The following WDR20 variants were observed in gnomAD, a reference collection of about 807,000 sequenced individuals.
The protein encoded by WDR20 is WD repeat domain 20.
A neutral mutation model predicts 38.7 loss-of-function variants in WDR20; 3 were observed. The ratio of observed to expected loss-of-function variants is 0.08; its 90% CI spans 0.04 to 0.20. The LOEUF (loss-of-function observed/expected upper bound fraction) is 0.20. Ranked by LOEUF, WDR20 falls within the 10% of genes least tolerant of loss-of-function variation. WDR20 has a pLI of 1.00. For missense variants in WDR20, 559 were observed against 727.7 expected (o/e 0.77, Z 2.67); for synonymous variants, 298 against 285.6 (o/e 1.04, Z -0.44).
At position 102,209,998 on chromosome 14, in the gene WDR20, CA is replaced by C. The variant is rs2062237422; in HGVS notation, c.*119del. ...ATTCTTAATGTAAATCTCAATGCAT[CA>C]GAGCCATAATTTTGGATACTGCATG... On this transcript the variant is annotated 3_prime_UTR_variant, in exon 3 of 3. Coordinates refer to ENST00000342702, the MANE Select transcript of WDR20 (RefSeq NM_144574.4). The surrounding 1 kb of genome is among the most constrained non-coding windows in gnomAD (Gnocchi z 6.0). 3.4e-6 allele frequency: 5 copies of C among 1,463,118 alleles called. No homozygotes were observed. The East Asian group carries it at 7.1e-5, about 21-fold the overall frequency. 90.6% of individuals were successfully genotyped at this position (1,463,118 alleles called of 1,614,324 possible).
chr14:102,175,529 A>G (rs1025027746), intron 1 of WDR20, among the ~76,000 whole-genome samples: 1 of 151,994 alleles, frequency 6.6e-6, no homozygotes, highest in African/African-American at 2.4e-5. Context: ...TGCTTTGGCT[A>G]TGTGGGCTCT....
At chr14:102,194,904 G>T in intron 1 of WDR20, 34 bp from the exon 2 acceptor site, 1 of 1,603,460 alleles carries the variant, frequency 6.2e-7, no homozygotes, top group Non-Finnish European at 8.5e-7. Flanking sequence ...TCAATGTGCT[G>T]TTTACTGTAT....
intron 1 of WDR20, among the ~76,000 whole-genome samples, chr14:102,181,500 C>T (rs1382738490): frequency 6.6e-6 from 1 of 151,306 alleles, no homozygotes; most frequent in African/African-American, 2.4e-5. Flanking sequence ...TTTTAATGAC[C>T]ATTCACCTGA....
chr14:102,173,475 T>C (rs2061422528), intron 1 of WDR20, among the ~76,000 whole-genome samples: 2 of 129,534 alleles, frequency 1.5e-5, no homozygotes, highest in Admixed American at 7.4e-5. Flanking sequence ...TTATTATTAT[T>C]ATTATTTTTA....
intron 1 of WDR20, among the ~76,000 whole-genome samples, chr14:102,161,142 A>ATATATATATATATATATAT (rs1342924049): frequency 5.6e-4 from 9 of 16,056 alleles, no homozygotes; most frequent in African/African-American, 1.3e-3. Context: ...ATATATATAT[A>ATATATATATATATATATAT]TTTTTTTTTT....
intron 1 of WDR20, among the ~76,000 whole-genome samples, chr14:102,166,672 A>C (rs1426729929): frequency 6.6e-6 from 1 of 151,848 alleles, no homozygotes; most frequent in Admixed American, 6.6e-5. Context: ...CATTATCTCT[A>C]TTTGTTTTTG....
intron 1 of WDR20, among the ~76,000 whole-genome samples, chr14:102,141,273 T>C (rs1351083190): frequency 6.6e-6 from 1 of 152,236 alleles, no homozygotes; most frequent in Non-Finnish European, 1.5e-5. Context: ...ATTGTTCATA[T>C]TGAAGAGTGA....
chr14:102,156,654 C>G lies in WDR20; in HGVS notation c.249+16482C>G, dbSNP rs185510738. Among the ~76,000 whole-genome samples the G allele has an allele frequency of 8.6e-3, 1,303 of 151,830 alleles. 10 individuals carry two copies. Among genetic ancestry groups the G allele is most frequent in the South Asian group, 0.014 (67 of 4,818 alleles). ...CTCCCAGAGTCCTGGGATTATAGGT[C>G]TGAGCCACCATGCCTGGCCATAGAT... is the stretch of plus-strand genomic sequence containing the variant. On this transcript the variant is annotated intron_variant, in intron 1 of 2. Coordinates refer to ENST00000342702, the MANE Select transcript of WDR20 (RefSeq NM_144574.4).
downstream of WDR20, among the ~76,000 whole-genome samples, chr14:102,224,037 A>ATT (rs533802492): frequency 0.058 from 7,139 of 122,926 alleles, 279 homozygotes; most frequent in South Asian, 0.1. Context: ...TTTACCTGAG[A>ATT]TTTTTTTTTT....
chr14:102,162,510 T>G (rs1298832662), intron 1 of WDR20, among the ~76,000 whole-genome samples: 2 of 152,216 alleles, frequency 1.3e-5, no homozygotes, highest in Non-Finnish European at 2.9e-5. Flanking sequence ...GGAACTAATT[T>G]GTTGAAATTA....
intron 1 of WDR20, chr14:102,171,439 C>T (rs1190568): frequency 1 from 151,592 of 151,644 alleles, 75,770 homozygotes; most frequent in Non-Finnish European, 1. Flanking sequence ...CTTCTTGTAC[C>T]TCTGAGGTTT....
In WDR20 at chr14:102,209,036, G is replaced by C. The variant is rs1463882688; in HGVS notation, c.866G>C (p.Trp289Ser). 1 of 1,614,014 alleles carries C rather than the reference G, an allele frequency of 6.2e-7. No individual in the cohort carries two copies. Among genetic ancestry groups the C allele is most frequent in the African/African-American group, 1.3e-5 (1 of 74,914 alleles). The change falls in exon 3 of 3, where the codon TGG (tryptophan) becomes TCG (serine). Residue 289 changes from tryptophan (W) to serine (S), a missense_variant. Physicochemically the swap from Trp to Ser is radical, Grantham distance 177. Coordinates refer to ENST00000342702, the MANE Select transcript of WDR20 (RefSeq NM_144574.4). The surrounding 1 kb of genome is among the most constrained non-coding windows in gnomAD (Gnocchi z 6.0). ...GGGGAGGACGACTTGGTGACAGTCT[G>C]GTCCTTTGTAGACTGCCGAGTAATA... Reference protein sequence around the residue: ...TGGEDDLVTVWSFVDCRVIAR... With the variant: ...TGGEDDLVTVSSFVDCRVIAR...
intron 1 of WDR20, among the ~76,000 whole-genome samples, chr14:102,161,121 CATATATATATATAT>C (rs1180738049): frequency 9.0e-5 from 1 of 11,130 alleles, no homozygotes; most frequent in East Asian, 8.1e-3. Flanking sequence ...AGCATAACTG[CATATATATATATAT>C]ATATATATTT....
chr14:102,158,806 AGTCACCTCCCCGACTCGTTCG>A, intron 1 of WDR20, among the ~76,000 whole-genome samples: 1 of 152,070 alleles, frequency 6.6e-6, no homozygotes, highest in Non-Finnish European at 1.5e-5. Context: ...CCCTGTCTAA[AGTCACCTCCCCGACTCGTTCG>A]CTAAATCCCA....
intron 1 of WDR20, among the ~76,000 whole-genome samples, chr14:102,159,546 T>G (rs1323306508): frequency 6.6e-6 from 1 of 152,170 alleles, no homozygotes; most frequent in Non-Finnish European, 1.5e-5. Flanking sequence ...TCTTAAAACT[T>G]AATCCAGCTG....
chr14:102,203,303 T>TAC (rs1202144487), intron 2 of WDR20, among the ~76,000 whole-genome samples: 1 of 152,182 alleles, frequency 6.6e-6, no homozygotes, highest in Non-Finnish European at 1.5e-5. Flanking sequence ...TACTGTATTT[T>TAC]ATATATATAT....
At chr14:102,157,354 G>A (rs1393942172) in intron 1 of WDR20, 2 of 152,152 alleles carry the variant, frequency 1.3e-5, no homozygotes, top group African/African-American at 2.4e-5. Context: ...AGTATCTCAT[G>A]TGTGATTGAA....
chr14:102,195,716 C>G (rs2059298609), intron 2 of WDR20, among the ~76,000 whole-genome samples: 1 of 152,166 alleles, frequency 6.6e-6, no homozygotes, highest in African/African-American at 2.4e-5. Context: ...CTGGAAAGAG[C>G]CTGAGATATC....
intron 2 of WDR20, among the ~76,000 whole-genome samples, chr14:102,206,064 A>G (rs2061484709): frequency 6.6e-6 from 1 of 152,062 alleles, no homozygotes; most frequent in African/African-American, 2.4e-5. Flanking sequence ...CTCACTGCAC[A>G]CAGCCACCGC....
Sources: gnomAD v4.1 joint callset for allele counts (sites outside exome capture counted in the v4.1 genomes callset) on GRCh38, gnomAD v4.1.1 for gene constraint, Gnocchi (gnomAD v3.1) non-coding constraint, MANE v1.5 for transcripts, NCBI Gene and HGNC (gene_info 2026-07-23, HGNC 2026-07-21) for gene names.